Variants in CFI observed in about 807,000 individuals in gnomAD.
CFI encodes complement factor I.
CFI carries 66 observed loss-of-function variants against 78.8 expected under a neutral mutation model. The observed-to-expected ratio is 0.84, with a 90% CI of 0.69 to 1.03. The LOEUF is 1.03. CFI is among the 50% of genes least tolerant of loss of function. CFI has a pLI of 0.00. For missense variants in CFI, 706 were observed against 704.5 expected, an observed-to-expected ratio of 1.00 and a Z score of -0.02; for synonymous variants, 250 against 232.6, an observed-to-expected ratio of 1.07 and a Z score of -0.68.
chr4:109,738,714 T>C (rs532883845), downstream of CFI, among the ~76,000 whole-genome samples: 2 of 152,148 alleles, frequency 1.3e-5, no homozygotes, highest in East Asian at 1.9e-4. Flanking sequence ...TAAGAGCCCA[T>C]GGGGAGAGTG....
At chr4:109,739,643 C>G (rs1723593937), downstream of CFI, among the ~76,000 whole-genome samples, 1 of 152,106 alleles carries the variant, frequency 6.6e-6, no homozygotes, top group Non-Finnish European at 1.5e-5. Context: ...ATGGTATATA[C>G]TAGTGTTCAG....
intron 3 of CFI, 132 bp from the exon 4 acceptor site, chr4:109,761,824 A>G: frequency 4.0e-6 from 3 of 746,648 alleles, no homozygotes. Flanking sequence ...TGGGCAAGAT[A>G]CCGAAACTCT....
intron 10 of CFI, among the ~76,000 whole-genome samples, chr4:109,748,516 G>T (rs558222436): frequency 2.0e-5 from 3 of 152,330 alleles, no homozygotes; most frequent in South Asian, 4.1e-4. Context: ...GTCAGGGAAG[G>T]TTCCCTAAGG....
chr4:109,776,602 A>G (rs934466864), intron 1 of CFI, among the ~76,000 whole-genome samples: 3 of 152,214 alleles, frequency 2.0e-5, no homozygotes, highest in Non-Finnish European at 2.9e-5. Context: ...CCAACATTCA[A>G]ATTCAGGAAA....
At chr4:109,759,975 C>T (rs1390162350) in intron 6 of CFI, among the ~76,000 whole-genome samples, 2 of 152,020 alleles carry the variant, frequency 1.3e-5, no homozygotes, top group African/African-American at 2.4e-5. Flanking sequence ...GCAAGATTGG[C>T]AAACTATCAA....
chr4:109,796,281 C>T (rs1560569992), intron 1 of CFI, among the ~76,000 whole-genome samples: 1 of 152,044 alleles, frequency 6.6e-6, no homozygotes, highest in Non-Finnish European at 1.5e-5. Flanking sequence ...GAATATTACA[C>T]CCAGAAAAAC....
Position 109,760,563 on chromosome 4 carries a change from G to T in CFI, c.732C>A (p.Ile244=). ...CATCACTTTGGTCTCCACAATCATT[G>T]ATACCATCACAGGCTTTCATCTGAG... The part of the protein sequence containing the change: ...YISQMKACDG[I]NDCGDQSDEL... The change falls in exon 5 of 13, where the codon ATC becomes ATA. Residue 244 remains isoleucine, a synonymous_variant. Coordinates refer to ENST00000394634, the MANE Select transcript of CFI (RefSeq NM_000204.5). The T allele has an allele frequency of 6.2e-7, 1 of 1,610,224 alleles. No individual in the cohort carries two copies. Among genetic ancestry groups the T allele is most frequent in the South Asian group, 1.1e-5 (1 of 90,998 alleles).
At position 109,760,637 on chromosome 4, in the gene CFI, C is replaced by A; in HGVS notation, c.659-1G>T. On this transcript the variant is annotated splice_acceptor_variant, in intron 4 of 12. Transcript: ENST00000394634. LOFTEE classifies it high-confidence loss of function. ...TGAAAGAAGTCATCCATTGGAGAATCTGTAAAGCAGGAATTATCTTTGTGA... is the reference window on the plus strand; with the variant it reads ...TGAAAGAAGTCATCCATTGGAGAATATGTAAAGCAGGAATTATCTTTGTGA... 3 of 1,512,948 alleles carry A rather than the reference C, an allele frequency of 2.0e-6. No homozygotes were observed. The highest frequency in any genetic ancestry group is 2.8e-6 in the Non-Finnish European group (3 of 1,087,948). 93.7% of individuals were successfully genotyped at this position (1,512,948 alleles called of 1,614,324 possible).
At chr4:109,756,937 GA>G (rs1291543433) in intron 7 of CFI, among the ~76,000 whole-genome samples, 2 of 147,442 alleles carry the variant, frequency 1.4e-5, no homozygotes, top group African/African-American at 2.5e-5. Context: ...AAGAAAGAAA[GA>G]AAGAAAGAAA....
chr4:109,786,121 C>T (rs959544539), intron 1 of CFI, among the ~76,000 whole-genome samples: 2 of 152,002 alleles, frequency 1.3e-5, no homozygotes, highest in African/African-American at 4.8e-5. Context: ...ACTTCTGTCT[C>T]CTGGGTTCAA....
intron 12 of CFI, chr4:109,741,505 A>C: frequency 7.9e-6 from 2 of 251,976 alleles, no homozygotes; most frequent in Non-Finnish European, 1.3e-5. Context: ...GGCAAATATC[A>C]TTATTGCCCC....
chr4:109,786,354 G>A lies in CFI; in HGVS notation c.57+15561C>T, dbSNP rs796631262. On this transcript the variant is annotated intron_variant, in intron 1 of 12. Coordinates refer to ENST00000394634, the MANE Select transcript of CFI (RefSeq NM_000204.5). ...CCTAAAAATTATTTCTTTGGTATTT[G>A]CAGTGACATAGCAATTATTTTTATG... Among the ~76,000 whole-genome samples, 26 of 152,130 alleles carry A rather than the reference G, an allele frequency of 1.7e-4. 1 individual carries two copies. Among genetic ancestry groups the A allele is most frequent in the African/African-American group, 6.0e-4 (25 of 41,528 alleles).
intron 7 of CFI, among the ~76,000 whole-genome samples, chr4:109,756,959 AAGAAAGAAAGAAAG>A (rs1726359647): frequency 2.1e-5 from 3 of 140,146 alleles, no homozygotes; most frequent in African/African-American, 5.3e-5. Context: ...GAAAGAAAGA[AAGAAAGAAAGAAAG>A]AAAGAAATTC....
intron 1 of CFI, among the ~76,000 whole-genome samples, chr4:109,774,914 C>CT (rs1216101827): frequency 6.6e-6 from 1 of 152,076 alleles, no homozygotes; most frequent in African/African-American, 2.4e-5. Flanking sequence ...CTCTTTCAGT[C>CT]TTTTTGATGT....
At chr4:109,762,199 A>AAAAG in intron 3 of CFI, 1 of 154,210 alleles carries the variant, frequency 6.5e-6, no homozygotes, top group Non-Finnish European at 1.4e-5. Context: ...TAAAAAAAAA[A>AAAAG]AAAAAAAAAA....
intron 1 of CFI, among the ~76,000 whole-genome samples, chr4:109,775,598 C>T (rs1729128504): frequency 6.6e-6 from 1 of 152,188 alleles, no homozygotes; most frequent in South Asian, 2.1e-4. Flanking sequence ...CAAAAGGCAG[C>T]AGAAACTTCT....
chr4:109,760,208 G>T, intron 6 of CFI, 62 bp downstream of exon 6: 1 of 1,175,206 alleles, frequency 8.5e-7, no homozygotes, highest in Non-Finnish European at 1.3e-6. Context: ...TTTACCTAAA[G>T]AAAAGTTTCA....
intron 1 of CFI, among the ~76,000 whole-genome samples, chr4:109,778,134 G>A (rs1317955659): frequency 1.3e-5 from 2 of 152,114 alleles, no homozygotes; most frequent in African/African-American, 2.4e-5. Context: ...ACTAAGATCA[G>A]AGCAGAACTG....
chr4:109,796,380 G>A lies in CFI; in HGVS notation c.57+5535C>T, dbSNP rs116476971. Among the ~76,000 whole-genome samples, 579 of 152,202 alleles carry A rather than the reference G, an allele frequency of 3.8e-3. 5 individuals are homozygous for A. The highest frequency in any genetic ancestry group is 0.013 in the African/African-American group (556 of 41,524). On this transcript the variant is annotated intron_variant, in intron 1 of 12. Coordinates refer to ENST00000394634, the MANE Select transcript of CFI (RefSeq NM_000204.5). Reference sequence around the variant, plus strand: ...ACCTGCCTTACAAGAAATGATAAAAGGTTTTATTCAAGTTGAAATGAAAAG... The same window carrying A: ...ACCTGCCTTACAAGAAATGATAAAAAGTTTTATTCAAGTTGAAATGAAAAG...
Sources: gnomAD v4.1 joint callset for allele counts (sites outside exome capture counted in the v4.1 genomes callset) on GRCh38, gnomAD v4.1.1 for gene constraint, MANE v1.5 for transcripts, NCBI Gene and HGNC (gene_info 2026-07-23, HGNC 2026-07-21) for gene names.